Variants in SH3GL3 observed in about 807,000 individuals in gnomAD.
The protein encoded by SH3GL3 is SH3 domain containing GRB2 like 3, endophilin A3.
In SH3GL3, 33 loss-of-function variants were observed where a neutral mutation model predicts 47.7. The observed-to-expected ratio is 0.69, with a 90% CI of 0.52 to 0.92. The LOEUF is 0.92. Among genes scored for constraint, SH3GL3 ranks in the 40% least tolerant of loss-of-function variants. SH3GL3 has a pLI of 0.00. For synonymous variants in SH3GL3, 155 were observed against 148.8 expected (o/e 1.04, Z -0.30); for missense variants, 363 against 417.8 (o/e 0.87, Z 1.14).
At chr15:83,574,875 A>G (rs2059633225) in intron 5 of SH3GL3, among the ~76,000 whole-genome samples, 1 of 152,046 alleles carries the variant, frequency 6.6e-6, no homozygotes, top group Non-Finnish European at 1.5e-5. Context: ...TCCTTTGGGA[A>G]GCTGTTTGTT....
intron 8 of SH3GL3, among the ~76,000 whole-genome samples, chr15:83,598,896 G>A (rs1043721481): frequency 1.3e-5 from 2 of 152,158 alleles, no homozygotes; most frequent in Non-Finnish European, 2.9e-5. Context: ...ATAGCATGTG[G>A]TACTAGTTTT....
intron 1 of SH3GL3, among the ~76,000 whole-genome samples, chr15:83,558,802 C>G (rs1270874159): frequency 6.6e-6 from 1 of 152,190 alleles, no homozygotes; most frequent in Admixed American, 6.5e-5. Flanking sequence ...GAACCTACTC[C>G]CAGTGCCGTG....
chr15:83,603,230 C>T lies in SH3GL3; in HGVS notation c.838+14459C>T, dbSNP rs138797646. Among the ~76,000 whole-genome samples the T allele has an allele frequency of 3.9e-3, 595 of 152,190 alleles. 2 individuals carry two copies. The highest frequency in any genetic ancestry group is 5.4e-3 in the Non-Finnish European group (367 of 68,008). On this transcript the variant is annotated intron_variant, in intron 8 of 8. Transcript: ENST00000427482. ...GGCCAGGCTGGTCTTGAACTCCTGA[C>T]CTTGAGTGATCCACCTGCCTCAGCC...
chr15:83,499,021 T>A (rs1489568098), intron 1 of SH3GL3, among the ~76,000 whole-genome samples: 1 of 152,218 alleles, frequency 6.6e-6, no homozygotes, highest in Non-Finnish European at 1.5e-5. Context: ...TTTAAGATTC[T>A]GTTGAAGCAT....
chr15:83,552,542 A>G (rs2044716822), intron 1 of SH3GL3, among the ~76,000 whole-genome samples: 1 of 152,224 alleles, frequency 6.6e-6, no homozygotes, highest in African/African-American at 2.4e-5. Flanking sequence ...TTTGTTACGT[A>G]GTATTAGGTT....
rs189840404 is a variant in SH3GL3 at position 83,497,676 on chromosome 15, C to A, written c.45+50098C>A. Among the ~76,000 whole-genome samples the A allele has an allele frequency of 1.7e-3, 258 of 152,302 alleles. 6 individuals carry two copies. Among genetic ancestry groups the A allele is most frequent in the Admixed American group, 0.015 (223 of 15,300 alleles). ...TCTTCATTGCTGGACTTTTAGAAAG[C>A]ATATCTCTACCCACTGCTTTCACTT... is the stretch of plus-strand genomic sequence containing the variant. On this transcript the variant is annotated intron_variant, in intron 1 of 8. Coordinates refer to ENST00000427482, the MANE Select transcript of SH3GL3 (RefSeq NM_003027.5).
At chr15:83,508,651 C>T (rs2042616230) in intron 1 of SH3GL3, among the ~76,000 whole-genome samples, 2 of 151,968 alleles carry the variant, frequency 1.3e-5, no homozygotes, top group South Asian at 2.1e-4. Context: ...GATCTCAGCT[C>T]ACTGCAACCT....
intron 1 of SH3GL3, among the ~76,000 whole-genome samples, chr15:83,526,158 A>G (rs906789018): frequency 6.6e-6 from 1 of 152,192 alleles, no homozygotes; most frequent in African/African-American, 2.4e-5. Flanking sequence ...TATTATTAAA[A>G]AGTCAAAAAA....
At chr15:83,588,367 G>A (rs1238805034) in intron 7 of SH3GL3, among the ~76,000 whole-genome samples, 1 of 152,110 alleles carries the variant, frequency 6.6e-6, no homozygotes, top group Non-Finnish European at 1.5e-5. Context: ...CTGACCTCAG[G>A]TGAGCACCTT....
intron 1 of SH3GL3, among the ~76,000 whole-genome samples, chr15:83,555,198 G>C (rs2044882955): frequency 6.6e-6 from 1 of 151,744 alleles, no homozygotes; most frequent in Non-Finnish European, 1.5e-5. Context: ...AATACTTTTT[G>C]TTTCTAATGT....
At chr15:83,535,338 C>G (rs1323916127) in intron 1 of SH3GL3, among the ~76,000 whole-genome samples, 1 of 152,068 alleles carries the variant, frequency 6.6e-6, no homozygotes, top group African/African-American at 2.4e-5. Context: ...AGGAGAATGA[C>G]GTACATTAAT....
intron 1 of SH3GL3, among the ~76,000 whole-genome samples, chr15:83,487,250 G>T: frequency 1.4e-5 from 2 of 141,368 alleles, no homozygotes; most frequent in East Asian, 2.0e-4. Context: ...TTCTTTTCCT[G>T]CAATGACATC....
chr15:83,602,002 C>T (rs2060396379), intron 8 of SH3GL3, among the ~76,000 whole-genome samples: 1 of 151,560 alleles, frequency 6.6e-6, no homozygotes, highest in African/African-American at 2.4e-5. Context: ...AGGATTTCCT[C>T]ACTCCTGCCA....
rs749603485 is a variant in SH3GL3 at position 83,568,623 on chromosome 15, G to C, written c.282G>C (p.Gly94=). 6.2e-7 allele frequency: 1 copy of C among 1,613,748 alleles called. No individual in the cohort carries two copies. Among genetic ancestry groups the C allele is most frequent in the Admixed American group, 1.7e-5 (1 of 60,022 alleles). The change falls in exon 4 of 9, where the codon GGG becomes GGC. Residue 94 remains glycine (G), a synonymous_variant. Transcript: ENST00000427482. The stretch of plus-strand genomic sequence containing the variant: ...ACCCGCAGACGGAAGGCTTGCTGGG[G>C]GACTGTATGCTGAAATACGGGAAGG... ...TGYPQTEGLL[G]DCMLKYGKEL... is the part of the protein sequence containing the mutation.
intron 1 of SH3GL3, among the ~76,000 whole-genome samples, chr15:83,525,789 A>T (rs1322028105): frequency 6.6e-6 from 1 of 152,190 alleles, no homozygotes; most frequent in Non-Finnish European, 1.5e-5. Flanking sequence ...TCCTTTCCCC[A>T]ATGTATGTTC....
At chr15:83,575,258 C>T (rs2059644590) in intron 5 of SH3GL3, among the ~76,000 whole-genome samples, 1 of 152,162 alleles carries the variant, frequency 6.6e-6, no homozygotes, top group Non-Finnish European at 1.5e-5. Context: ...TCTTCTTGTG[C>T]TGTCATCATG....
chr15:83,564,208 C>T (rs938504425), intron 2 of SH3GL3, among the ~76,000 whole-genome samples: 1 of 151,998 alleles, frequency 6.6e-6, no homozygotes, highest in Non-Finnish European at 1.5e-5. Flanking sequence ...AGTATGAAGA[C>T]TCACTTTACT....
chr15:83,625,065 C>G, the SH3GL3 span, among the ~76,000 whole-genome samples: 1 of 152,034 alleles, frequency 6.6e-6, no homozygotes, highest in Admixed American at 6.6e-5. Context: ...TCAAGACCAG[C>G]CTGGCCAAGA....
intron 1 of SH3GL3, among the ~76,000 whole-genome samples, chr15:83,489,923 G>C (rs535992077): frequency 6.6e-6 from 1 of 152,256 alleles, no homozygotes; most frequent in African/African-American, 2.4e-5. Flanking sequence ...ATGATTGATA[G>C]ATGATAGATA....
Sources: allele counts gnomAD v4.1 joint callset (sites outside exome capture counted in the v4.1 genomes callset), GRCh38; gene constraint gnomAD v4.1.1; transcripts MANE v1.5; gene names NCBI Gene and HGNC (gene_info 2026-07-23, HGNC 2026-07-21).